The following DAPK1 variants were observed in gnomAD, a reference collection of about 807,000 sequenced individuals.
DAPK1 encodes death-associated protein kinase 1.
A neutral mutation model predicts 144.9 loss-of-function variants in DAPK1; 56 were observed. That is an observed-to-expected ratio of 0.39 (90% CI 0.31 to 0.48). DAPK1 has a LOEUF of 0.48. Ranked by LOEUF, DAPK1 falls within the 20% of genes least tolerant of loss-of-function variation. The probability of loss-of-function intolerance (pLI) is 0.95; values close to 1 mark genes in which losing one functional copy is unlikely to be tolerated. For missense variants in DAPK1, 1,454 were observed against 1,875.4 expected (o/e 0.78, Z 4.15); for synonymous variants, 690 against 749.0 (o/e 0.92, Z 1.29).
At chr9:87,679,863 C>G (rs975246317) in intron 19 of DAPK1, among the ~76,000 whole-genome samples, 4 of 152,164 alleles carry the variant, frequency 2.6e-5, no homozygotes, top group African/African-American at 9.7e-5. Context: ...TTCTCTCATC[C>G]TCTTGTCCCA....
At chr9:87,501,197 A>T (rs758810175) in intron 2 of DAPK1, among the ~76,000 whole-genome samples, 1 of 152,180 alleles carries the variant, frequency 6.6e-6, no homozygotes, top group African/African-American at 2.4e-5. Context: ...CTAAGCAGTG[A>T]ATTACTAGTA....
rs1025906927 is a variant in DAPK1 at position 87,645,659 on chromosome 9, G to A, written c.1012-236G>A. ...TGGATCTTGGACATTGTGTCTCTGGGCTATACTGCAGGTGATATTAAAGCC... is the reference window on the plus strand; with the variant it reads ...TGGATCTTGGACATTGTGTCTCTGGACTATACTGCAGGTGATATTAAAGCC... On this transcript the variant is annotated intron_variant, in intron 11 of 25. Transcript: ENST00000408954. Among the ~76,000 whole-genome samples the A allele has an allele frequency of 1.6e-4, 24 of 152,150 alleles. 1 individual carries two copies. Among genetic ancestry groups the A allele is most frequent in the African/African-American group, 4.6e-4 (19 of 41,428 alleles).
chr9:87,522,988 T>C (rs1289273916), intron 2 of DAPK1, among the ~76,000 whole-genome samples: 1 of 152,250 alleles, frequency 6.6e-6, no homozygotes, highest in Non-Finnish European at 1.5e-5. Context: ...AATAGCTTTA[T>C]GTTCATGTTA....
chr9:87,587,842 A>T (rs36205438), intron 2 of DAPK1, among the ~76,000 whole-genome samples: 7,521 of 152,300 alleles, frequency 0.049, 353 homozygotes, highest in East Asian at 0.24. Context: ...GCCTTCTCTT[A>T]TTTTCCCCAA....
chr9:87,585,236 G>A (rs1278986742), intron 2 of DAPK1, among the ~76,000 whole-genome samples: 1 of 152,008 alleles, frequency 6.6e-6, no homozygotes, highest in African/African-American at 2.4e-5. Context: ...GTGCTTCTGG[G>A]GTCATATCCA....
intron 8 of DAPK1, 131 bp from the exon 9 acceptor site, chr9:87,640,668 ATGT>A: frequency 2.8e-6 from 3 of 1,073,200 alleles, no homozygotes; most frequent in Non-Finnish European, 1.4e-6. Flanking sequence ...AAAAAGACCG[ATGT>A]TGTTTTTGGC....
At chr9:87,625,332 G>A (rs1829455944) in intron 3 of DAPK1, among the ~76,000 whole-genome samples, 1 of 152,246 alleles carries the variant, frequency 6.6e-6, no homozygotes, top group Admixed American at 6.5e-5. Context: ...TCTATGGTGT[G>A]CTGGTAAAGC....
intron 2 of DAPK1, among the ~76,000 whole-genome samples, chr9:87,569,211 C>T (rs1827244961): frequency 6.6e-6 from 1 of 152,150 alleles, no homozygotes; most frequent in African/African-American, 2.4e-5. Context: ...GGACTTTCAA[C>T]AGCTCCCCTC....
Position 87,697,201 on chromosome 9 carries a change from A to T in DAPK1, c.2608A>T (p.Ile870Leu). The T allele has an allele frequency of 6.1e-6, 9 of 1,477,620 alleles. No homozygotes were observed. The highest frequency in any genetic ancestry group is 7.6e-6 in the Non-Finnish European group (8 of 1,055,498). 91.5% of individuals were successfully genotyped at this position (1,477,620 alleles called of 1,614,324 possible). A position where few individuals can be genotyped will look rare whatever the true frequency, so the allele number is the denominator to read the frequency against. Residue 870 changes from isoleucine to leucine, a missense_variant, in exon 22 of 26, where the codon ATA (isoleucine) becomes TTA (leucine). Physicochemically the swap from Ile to Leu is conservative, Grantham distance 5. Transcript: ENST00000408954. ...GTCCCTTGTCCCAGTTGAAGAACCC[A>T]TAGGTGAGCTAAGTCCCTGCAGGCC... ...LKSLVPVEEPIAFGGKLKNPL... is the reference protein window; with the variant it reads ...LKSLVPVEEPLAFGGKLKNPL...
chr9:87,555,924 G>C (rs1038212655), intron 2 of DAPK1, among the ~76,000 whole-genome samples: 3 of 152,234 alleles, frequency 2.0e-5, no homozygotes, highest in African/African-American at 7.2e-5. Flanking sequence ...AATTGCATGG[G>C]AAAATTATTA....
At position 87,630,744 on chromosome 9, in the gene DAPK1, G is replaced by A. The variant is rs542364041; in HGVS notation, c.285-7199G>A. On this transcript the variant is annotated intron_variant, in intron 3 of 25. Coordinates refer to ENST00000408954, the MANE Select transcript of DAPK1 (RefSeq NM_004938.4). ...GCTCTGCCACATCTGCACACAGATC[G>A]GAGGATCTTAAAATACCAGAGCTGG... is the stretch of plus-strand genomic sequence containing the variant. 5.3e-5 allele frequency among the ~76,000 whole-genome samples: 8 copies of A among 152,254 alleles called. No individual in the cohort carries two copies. The South Asian group carries it at 8.3e-4, about 16-fold the overall frequency.
At position 87,668,594 on chromosome 9, in the gene DAPK1, C is replaced by A; in HGVS notation, c.1924-3C>A. The A allele has an allele frequency of 1.5e-6, 2 of 1,346,030 alleles. No individual in the cohort carries two copies. The highest frequency in any genetic ancestry group is 2.1e-6 in the Non-Finnish European group (2 of 934,798). The allele number at this position is 1,346,030 out of a possible 1,614,324, so 83.4% of individuals were successfully genotyped here. ...AAGAAACTAATGCATTTTTCTCCAA[C>A]AGGACGGAAAGACGGCAGAAGATCT... On this transcript the variant is annotated splice_region_variant and splice_polypyrimidine_tract_variant and intron_variant, in intron 18 of 25. Coordinates refer to ENST00000408954, the MANE Select transcript of DAPK1 (RefSeq NM_004938.4).
At chr9:87,699,675 T>C (rs950935267) in intron 23 of DAPK1, among the ~76,000 whole-genome samples, 2 of 152,252 alleles carry the variant, frequency 1.3e-5, no homozygotes, top group African/African-American at 2.4e-5. Flanking sequence ...CTTGAGACAC[T>C]ATATCTGTTG....
At chr9:87,557,943 GACAA>G (rs10600656) in intron 2 of DAPK1, among the ~76,000 whole-genome samples, 4,959 of 152,162 alleles carry the variant, frequency 0.033, 265 homozygotes, top group African/African-American at 0.11. Flanking sequence ...TCCGTCTGAA[GACAA>G]ACAAACAAAA....
intron 2 of DAPK1, among the ~76,000 whole-genome samples, chr9:87,576,726 T>G (rs1827576094): frequency 6.6e-6 from 1 of 152,052 alleles, no homozygotes; most frequent in Non-Finnish European, 1.5e-5. Context: ...CCCGGCCAAT[T>G]TTTGTATTTT....
At chr9:87,576,210 G>A (rs1011126165) in intron 2 of DAPK1, among the ~76,000 whole-genome samples, 5 of 152,172 alleles carry the variant, frequency 3.3e-5, no homozygotes, top group African/African-American at 1.2e-4. Flanking sequence ...ACACACACAC[G>A]GGTCAGAGTT....
intron 14 of DAPK1, 175 bp from the exon 15 acceptor site, chr9:87,648,606 A>C (rs1424781194): frequency 1.7e-6 from 1 of 596,718 alleles, no homozygotes; most frequent in Non-Finnish European, 3.0e-6. Context: ...TGTGGTGGAC[A>C]CCCCAACCTC....
chr9:87,681,822 A>T (rs1587840987), intron 20 of DAPK1, 196 bp downstream of exon 20: 5 of 601,150 alleles, frequency 8.3e-6, no homozygotes, highest in Non-Finnish European at 8.9e-6. Context: ...TAACAGACTG[A>T]CTTGGCAGTA....
intron 2 of DAPK1, among the ~76,000 whole-genome samples, chr9:87,597,120 A>T: frequency 6.6e-6 from 1 of 152,116 alleles, no homozygotes; most frequent in East Asian, 1.9e-4. Flanking sequence ...GCTTCTGAGA[A>T]CTCAAGCGGA....
Sources: gnomAD v4.1 joint callset for allele counts (sites outside exome capture counted in the v4.1 genomes callset) on GRCh38, gnomAD v4.1.1 for gene constraint, MANE v1.5 for transcripts, NCBI Gene and HGNC (gene_info 2026-07-23, HGNC 2026-07-21) for gene names.